LRATD1: variants seen among roughly 807,000 people sequenced by gnomAD.
LRATD1 encodes protein LRATD1.
LRATD1 carries 8 observed loss-of-function variants against 21.3 expected under a neutral mutation model. The ratio of observed to expected loss-of-function variants is 0.38; its 90% CI spans 0.22 to 0.68. The LOEUF is 0.68. Among genes scored for constraint, LRATD1 ranks in the 30% least tolerant of loss-of-function variants. LRATD1 has a pLI of 0.54. For synonymous variants in LRATD1, 210 were observed against 186.2 expected (o/e 1.13, Z -1.04); for missense variants, 380 against 404.0 (o/e 0.94, Z 0.51).
chr2:14,634,457 G>C lies in LRATD1; in HGVS notation c.478G>C (p.Glu160Gln), dbSNP rs761289431. 3.2e-5 allele frequency: 49 copies of C among 1,521,688 alleles called. 4 individuals are homozygous for C. The South Asian group carries it at 6.0e-4, about 19-fold the overall frequency. The allele number at this position is 1,521,688 out of a possible 1,614,324, so 94.3% of individuals were successfully genotyped here. The change falls in exon 2 of 2, where the codon GAG becomes CAG. Residue 160 changes from glutamate to glutamine, a missense_variant. Coordinates refer to ENST00000295092, the MANE Select transcript of LRATD1 (RefSeq NM_145175.4). ...GGQIIHLHQG[E>Q]IRQDSLYEAG... ...GCAGATCATCCACCTGCACCAAGGC[G>C]AGATCCGCCAGGACAGCCTGTATGA...
Position 14,634,238 on chromosome 2 carries a change from T to G in LRATD1, c.259T>G (p.Ser87Ala). The change falls in exon 2 of 2, where the codon TCC (serine) becomes GCC (alanine). Residue 87 changes from serine to alanine, a missense_variant. Transcript: ENST00000295092. ...HQLVLNETQF[S>A]AFRGQECIFS... is the part of the protein sequence containing the mutation. ...GCTGGTCCTCAACGAGACTCAGTTT[T>G]CCGCCTTTCGGGGCCAGGAATGCAT... The G allele has an allele frequency of 6.2e-7, 1 of 1,611,906 alleles. No individual in the cohort carries two copies. The highest frequency in any genetic ancestry group is 2.2e-5 in the East Asian group (1 of 44,856).
rs931550062 is a variant in LRATD1 at position 14,638,825 on chromosome 2, C to T, written c.*3967C>T. ...TTTGCCTTTCAGAGGTGATTTGCCA[C>T]GTGCACAAAGGGTCTGTAGGTGAAA... On this transcript the variant is annotated 3_prime_UTR_variant, in exon 2 of 2. Coordinates refer to ENST00000295092, the MANE Select transcript of LRATD1 (RefSeq NM_145175.4). 2.4e-5 allele frequency: 4 copies of T among 166,958 alleles called. No homozygotes were observed. Among genetic ancestry groups the T allele is most frequent in the African/African-American group, 7.2e-5 (3 of 41,402 alleles). 10.3% of individuals were successfully genotyped at this position (166,958 alleles called of 1,614,324 possible). A position where few individuals can be genotyped will look rare whatever the true frequency, so the allele number is the denominator to read the frequency against.
chr2:14,649,809 C>T (rs534940736), downstream of LRATD1: 6 of 155,990 alleles, frequency 3.8e-5, no homozygotes, highest in South Asian at 3.9e-4. Flanking sequence ...GAAATCCTAA[C>T]GCCCCAGGTG....
chr2:14,640,229 A>T (rs546375857), downstream of LRATD1, among the ~76,000 whole-genome samples: 2 of 152,338 alleles, frequency 1.3e-5, no homozygotes, highest in African/African-American at 4.8e-5. Flanking sequence ...TCTTTGGTAT[A>T]TGGGAATAGA....
downstream of LRATD1, among the ~76,000 whole-genome samples, chr2:14,651,545 T>A (rs951872419): frequency 6.6e-6 from 1 of 152,136 alleles, no homozygotes. Context: ...TTCCCATCCA[T>A]ACTTGGCATT....
chr2:14,636,931 T>C lies in LRATD1; in HGVS notation c.*2073T>C, dbSNP rs1222077459. On this transcript the variant is annotated 3_prime_UTR_variant, in exon 2 of 2. Coordinates refer to ENST00000295092, the MANE Select transcript of LRATD1 (RefSeq NM_145175.4). ...AAATCAAAACGTCAGATCAATGAAC[T>C]ATGAACTAAAGTATTTTTCTTAAGC... 1 of 167,018 alleles carries C rather than the reference T, an allele frequency of 6.0e-6. No homozygotes were observed. Among genetic ancestry groups the C allele is most frequent in the Non-Finnish European group, 1.5e-5 (1 of 68,124 alleles). 10.3% of individuals were successfully genotyped at this position (167,018 alleles called of 1,614,324 possible).
chr2:14,642,609 A>G (rs909590492), downstream of LRATD1, among the ~76,000 whole-genome samples: 1 of 150,242 alleles, frequency 6.7e-6, no homozygotes, highest in Non-Finnish European at 1.5e-5. Context: ...TCCCAATCTT[A>G]CTAAGCAAAT....
In LRATD1 at chr2:14,634,906, T is replaced by C; in HGVS notation, c.*48T>C. ...TCTGCCTCCCCCGCACCTCGCTCCC[T>C]TCCCTTCCCCGCACCCGGACTTCGC... is the stretch of plus-strand genomic sequence containing the variant. On this transcript the variant is annotated 3_prime_UTR_variant, in exon 2 of 2. Transcript: ENST00000295092. 6.4e-7 allele frequency: 1 copy of C among 1,562,932 alleles called. No individual in the cohort carries two copies. The highest frequency in any genetic ancestry group is 1.9e-5 in the Admixed American group (1 of 52,578).
downstream of LRATD1, among the ~76,000 whole-genome samples, chr2:14,644,621 T>C (rs1395032443): frequency 6.6e-6 from 1 of 152,142 alleles, no homozygotes; most frequent in East Asian, 1.9e-4. Flanking sequence ...GATTGATAGA[T>C]TGATTGGATG....
rs1282786864 is a variant in LRATD1 at position 14,636,083 on chromosome 2, G to A, written c.*1225G>A. On this transcript the variant is annotated 3_prime_UTR_variant, in exon 2 of 2. Transcript: ENST00000295092. ...TAGTTTAAATACTGGGGGCCATTAA[G>A]AGTGGATGTAGCTAAGAGCTTAGCT... is the stretch of plus-strand genomic sequence containing the variant. 5.4e-6 allele frequency: 1 copy of A among 186,200 alleles called. No homozygotes were observed. Among genetic ancestry groups the A allele is most frequent in the East Asian group, 1.4e-4 (1 of 6,952 alleles). The allele number at this position is 186,200 out of a possible 1,614,324, so 11.5% of individuals were successfully genotyped here. A position where few individuals can be genotyped will look rare whatever the true frequency, so the allele number is the denominator to read the frequency against.
Position 14,634,731 on chromosome 2 carries a change from A to G in LRATD1, c.752A>G (p.Glu251Gly). The G allele has an allele frequency of 5.1e-6, 8 of 1,560,642 alleles. No individual in the cohort carries two copies. The highest frequency in any genetic ancestry group is 7.0e-6 in the Non-Finnish European group (8 of 1,149,968). The change falls in exon 2 of 2, where the codon GAG becomes GGG. Residue 251 changes from glutamate to glycine, a missense_variant. Physicochemically the swap from Glu to Gly is moderately conservative, Grantham distance 98 (BLOSUM62 -2). Transcript: ENST00000295092. ...QQYYLKVHLG[E>G]NKVHTARFHS... ...TACTATCTCAAGGTGCACCTGGGAG[A>G]GAACAAGGTCCACACCGCCAGGTTT...
At position 14,634,913 on chromosome 2, in the gene LRATD1, C is replaced by T. The variant is rs868759608; in HGVS notation, c.*55C>T. On this transcript the variant is annotated 3_prime_UTR_variant, in exon 2 of 2. Coordinates refer to ENST00000295092, the MANE Select transcript of LRATD1 (RefSeq NM_145175.4). ...CCCCCGCACCTCGCTCCCTTCCCTTCCCCGCACCCGGACTTCGCAGTCAGC... is the reference window on the plus strand; with the variant it reads ...CCCCCGCACCTCGCTCCCTTCCCTTTCCCGCACCCGGACTTCGCAGTCAGC... 2 of 1,546,552 alleles carry T rather than the reference C, an allele frequency of 1.3e-6. No individual in the cohort carries two copies. The highest frequency in any genetic ancestry group is 2.0e-5 in the Admixed American group (1 of 50,362).
chr2:14,634,733 A>C lies in LRATD1; in HGVS notation c.754A>C (p.Asn252His), dbSNP rs1201893750. 2 of 1,564,192 alleles carry C rather than the reference A, an allele frequency of 1.3e-6. No individual in the cohort carries two copies. The highest frequency in any genetic ancestry group is 2.4e-5 in the South Asian group (2 of 84,838). The change falls in exon 2 of 2, where the codon AAC becomes CAC. Residue 252 changes from asparagine to histidine, a missense_variant. Transcript: ENST00000295092. ...QYYLKVHLGE[N>H]KVHTARFHSL... Reference sequence around the variant, plus strand: ...CTATCTCAAGGTGCACCTGGGAGAGAACAAGGTCCACACCGCCAGGTTTCA... The same window carrying C: ...CTATCTCAAGGTGCACCTGGGAGAGCACAAGGTCCACACCGCCAGGTTTCA...
intron 2 of LRATD1, among the ~76,000 whole-genome samples, chr2:14,645,802 G>A (rs1433670617): frequency 2.6e-5 from 4 of 152,156 alleles, no homozygotes; most frequent in Admixed American, 2.6e-4. Flanking sequence ...ATAACGCAAG[G>A]AGGCAACTAA....
rs1238477875 is a variant in LRATD1 at position 14,633,201 on chromosome 2, G to GGGGCAGAGTGCACCTGCCTGTGA, written c.-37+271_-37+293dup. On this transcript the variant is annotated intron_variant, in intron 1 of 1. Transcript: ENST00000295092. The surrounding 1 kb of genome is among the most constrained non-coding windows in gnomAD (Gnocchi z 7.5). ...GATGGGGACAAGGCAAGAGAAGTAA[G>GGGGCAGAGTGCACCTGCCTGTGA]GGGCAGAGTGCACCTGCCTGTGAGG... Among the ~76,000 whole-genome samples the GGGGCAGAGTGCACCTGCCTGTGA allele has an allele frequency of 2.0e-5, 3 of 152,210 alleles. No homozygotes were observed. Among genetic ancestry groups the GGGGCAGAGTGCACCTGCCTGTGA allele is most frequent in the Non-Finnish European group, 4.4e-5 (3 of 68,038 alleles).
chr2:14,650,524 A>C (rs528797411), downstream of LRATD1: 1 of 152,308 alleles, frequency 6.6e-6, no homozygotes, highest in East Asian at 1.9e-4. Context: ...CTCATATAAA[A>C]CCACTATTCA....
At position 14,639,490 on chromosome 2, in the gene LRATD1, C is replaced by A. The variant is rs1234919091; in HGVS notation, c.*4632C>A. The stretch of plus-strand genomic sequence containing the variant: ...CACTAAAGAGAAGCTAAGATCCTAT[C>A]TTTCAATCATTTAGTAATTCATAAA... On this transcript the variant is annotated 3_prime_UTR_variant, in exon 2 of 2. Coordinates refer to ENST00000295092, the MANE Select transcript of LRATD1 (RefSeq NM_145175.4). 1 of 166,934 alleles carries A rather than the reference C, an allele frequency of 6.0e-6. No homozygotes were observed. The highest frequency in any genetic ancestry group is 2.4e-5 in the African/African-American group (1 of 41,572). 10.3% of individuals were successfully genotyped at this position (166,934 alleles called of 1,614,324 possible). A position where few individuals can be genotyped will look rare whatever the true frequency, so the allele number is the denominator to read the frequency against.
chr2:14,634,237 T>G lies in LRATD1; in HGVS notation c.258T>G (p.Phe86Leu), dbSNP rs370916643. 1 of 1,611,944 alleles carries G rather than the reference T, an allele frequency of 6.2e-7. No homozygotes were observed. Among genetic ancestry groups the G allele is most frequent in the Non-Finnish European group, 8.5e-7 (1 of 1,179,850 alleles). ...LHQLVLNETQ[F>L]SAFRGQECIF... ...AGCTGGTCCTCAACGAGACTCAGTT[T>G]TCCGCCTTTCGGGGCCAGGAATGCA... The change falls in exon 2 of 2, where the codon TTT becomes TTG. Residue 86 changes from phenylalanine (F) to leucine (L), a missense_variant. Physicochemically the swap from Phe to Leu is conservative, Grantham distance 22. Coordinates refer to ENST00000295092, the MANE Select transcript of LRATD1 (RefSeq NM_145175.4).
Position 14,634,740 on chromosome 2 carries a change from T to C in LRATD1, c.761T>C (p.Val254Ala). Residue 254 changes from valine to alanine, a missense_variant, in exon 2 of 2, where the codon GTC becomes GCC. Coordinates refer to ENST00000295092, the MANE Select transcript of LRATD1 (RefSeq NM_145175.4). ...AAGGTGCACCTGGGAGAGAACAAGG[T>C]CCACACCGCCAGGTTTCACAGCCTG... The part of the protein sequence containing the change: ...YLKVHLGENK[V>A]HTARFHSLED... The C allele has an allele frequency of 6.4e-7, 1 of 1,569,676 alleles. No individual in the cohort carries two copies. The highest frequency in any genetic ancestry group is 8.7e-7 in the Non-Finnish European group (1 of 1,154,904).
Sources: gnomAD v4.1 joint callset for allele counts (sites outside exome capture counted in the v4.1 genomes callset) on GRCh38, gnomAD v4.1.1 for gene constraint, Gnocchi (gnomAD v3.1) non-coding constraint, MANE v1.5 for transcripts, NCBI Gene and HGNC (gene_info 2026-07-23, HGNC 2026-07-21) for gene names.